The following NTN1 variants were observed in gnomAD, a reference collection of about 807,000 sequenced individuals.
NTN1 encodes netrin-1.
A neutral mutation model predicts 54.2 loss-of-function variants in NTN1; 11 were observed. The ratio of observed to expected loss-of-function variants is 0.20; its 90% CI spans 0.13 to 0.34. The LOEUF (loss-of-function observed/expected upper bound fraction) is 0.34, where lower values mean the gene tolerates loss of function less well. Among genes scored for constraint, NTN1 ranks in the 10% least tolerant of loss-of-function variants. NTN1 has a pLI of 1.00. For synonymous variants in NTN1, 371 were observed against 382.0 expected, an observed-to-expected ratio of 0.97 and a Z score of 0.33; for missense variants, 740 against 893.1, an observed-to-expected ratio of 0.83 and a Z score of 2.18.
chr17:9,136,093 A>G (rs1567719140), intron 2 of NTN1, among the ~76,000 whole-genome samples: 1 of 152,020 alleles, frequency 6.6e-6, no homozygotes, highest in Admixed American at 6.5e-5. Flanking sequence ...GTCCCCACTC[A>G]GGGGAAACTG....
chr17:9,185,980 C>T (rs2092431978), intron 5 of NTN1, among the ~76,000 whole-genome samples: 1 of 152,130 alleles, frequency 6.6e-6, no homozygotes, highest in Non-Finnish European at 1.5e-5. Flanking sequence ...GCCCTTCCCT[C>T]CCTGGCTGGC....
At chr17:9,074,915 T>C (rs1040000472) in intron 2 of NTN1, among the ~76,000 whole-genome samples, 1 of 152,170 alleles carries the variant, frequency 6.6e-6, no homozygotes, top group Non-Finnish European at 1.5e-5. Context: ...AAGTGAGCCG[T>C]CCTCACTCTG....
At chr17:9,075,775 C>T (rs569496853) in intron 2 of NTN1, among the ~76,000 whole-genome samples, 2 of 152,134 alleles carry the variant, frequency 1.3e-5, no homozygotes, top group Non-Finnish European at 2.9e-5. Flanking sequence ...CCAGTCCCAG[C>T]GCTGCAGGGA....
intron 5 of NTN1, among the ~76,000 whole-genome samples, chr17:9,208,904 T>C (rs898496326): frequency 9.9e-5 from 15 of 152,236 alleles, no homozygotes; most frequent in African/African-American, 3.1e-4. Flanking sequence ...TGCTAAGGAC[T>C]GGACCCAGGA....
intron 2 of NTN1, among the ~76,000 whole-genome samples, chr17:9,148,223 C>T (rs1242957262): frequency 6.6e-6 from 1 of 152,116 alleles, no homozygotes; most frequent in Non-Finnish European, 1.5e-5. Context: ...TCCACGTGCT[C>T]CTGGGCACAG....
At chr17:9,230,499 C>T (rs1905771468) in intron 6 of NTN1, among the ~76,000 whole-genome samples, 1 of 151,246 alleles carries the variant, frequency 6.6e-6, no homozygotes, top group Non-Finnish European at 1.5e-5. Flanking sequence ...GGAGCTGGGC[C>T]CGCGTGAGTC....
Position 9,154,095 on chromosome 17 carries a change from T to G in NTN1, c.1019-8718T>G, listed in dbSNP as rs145761918. On this transcript the variant is annotated intron_variant, in intron 2 of 6. Transcript: ENST00000173229. ...CAGTCTCGTGACTCCCTCTGGCTGG[T>G]CACTGCTGCATTTTATCTGGCTGGC... Among the ~76,000 whole-genome samples, 738 of 152,374 alleles carry G rather than the reference T, an allele frequency of 4.8e-3. 6 individuals are homozygous for G. Among genetic ancestry groups the G allele is most frequent in the South Asian group, 0.015 (73 of 4,832 alleles).
chr17:9,235,491 T>A (rs749677033), intron 6 of NTN1, among the ~76,000 whole-genome samples: 1 of 152,036 alleles, frequency 6.6e-6, no homozygotes, highest in Non-Finnish European at 1.5e-5. Context: ...TTGGGGTGAG[T>A]TTCATCGTGT....
chr17:9,024,442 A>G (rs557755852), intron 2 of NTN1, among the ~76,000 whole-genome samples: 87 of 152,346 alleles, frequency 5.7e-4, no homozygotes, highest in Non-Finnish European at 1.0e-3. Context: ...ATCCTTTATG[A>G]ACGTACAGAT....
intron 2 of NTN1, among the ~76,000 whole-genome samples, chr17:9,043,662 C>T (rs552377199): frequency 1.6e-4 from 24 of 151,908 alleles, no homozygotes; most frequent in Non-Finnish European, 3.1e-4. Flanking sequence ...CCACAACCTC[C>T]ACCTCCCGGG....
At chr17:9,093,175 G>A (rs1164517208) in intron 2 of NTN1, among the ~76,000 whole-genome samples, 1 of 152,200 alleles carries the variant, frequency 6.6e-6, no homozygotes, top group Non-Finnish European at 1.5e-5. Flanking sequence ...TTACAGGCGT[G>A]AGCCACCATA....
chr17:9,189,004 A>G (rs559772741), intron 5 of NTN1, among the ~76,000 whole-genome samples: 4 of 152,306 alleles, frequency 2.6e-5, no homozygotes, highest in Non-Finnish European at 4.4e-5. Context: ...TCATTAACAC[A>G]CCATCAGATT....
chr17:9,139,732 C>A (rs2092291881), intron 2 of NTN1, among the ~76,000 whole-genome samples: 1 of 152,206 alleles, frequency 6.6e-6, no homozygotes, highest in African/African-American at 2.4e-5. Flanking sequence ...CTGTGACTCA[C>A]AGTAAAAATG....
At chr17:9,131,196 G>T (rs2142270381) in intron 2 of NTN1, among the ~76,000 whole-genome samples, 1 of 152,200 alleles carries the variant, frequency 6.6e-6, no homozygotes, top group East Asian at 1.9e-4. Context: ...GACTCAACAA[G>T]GGCTCCGTGA....
chr17:9,237,439 C>A (rs1453236219), intron 6 of NTN1, among the ~76,000 whole-genome samples: 2 of 152,190 alleles, frequency 1.3e-5, no homozygotes, highest in African/African-American at 4.8e-5. Context: ...AGTAAAGTCA[C>A]CCTGTGAAGT....
chr17:9,103,996 C>T (rs530812766), intron 2 of NTN1, among the ~76,000 whole-genome samples: 5 of 139,890 alleles, frequency 3.6e-5, no homozygotes, highest in African/African-American at 1.3e-4. Flanking sequence ...GGCTGAGGCA[C>T]GAGAATCACT....
intron 5 of NTN1, among the ~76,000 whole-genome samples, chr17:9,191,542 T>A (rs534293529): frequency 1.3e-5 from 2 of 152,196 alleles, no homozygotes; most frequent in East Asian, 3.9e-4. Flanking sequence ...GAAAAATATA[T>A]GTGACATGGT....
At chr17:9,025,483 A>G (rs1037391077) in intron 2 of NTN1, among the ~76,000 whole-genome samples, 2 of 152,240 alleles carry the variant, frequency 1.3e-5, no homozygotes, top group African/African-American at 4.8e-5. Context: ...TTGGCTAACA[A>G]TATTTTTCTG....
chr17:9,091,814 C>T (rs1458805874), intron 2 of NTN1, among the ~76,000 whole-genome samples: 4 of 152,094 alleles, frequency 2.6e-5, no homozygotes, highest in Admixed American at 6.6e-5. Context: ...TCATCACCAT[C>T]CGTCTCCAGA....
Sources: allele counts gnomAD v4.1 joint callset (sites outside exome capture counted in the v4.1 genomes callset), GRCh38; gene constraint gnomAD v4.1.1; transcripts MANE v1.5; gene names NCBI Gene and HGNC (gene_info 2026-07-23, HGNC 2026-07-21).